The following SPAG9 variants were observed in gnomAD, a reference collection of about 807,000 sequenced individuals.
SPAG9 encodes the protein sperm associated antigen 9.
A neutral mutation model predicts 166.5 loss-of-function variants in SPAG9; 35 were observed. The observed-to-expected ratio is 0.21, with a 90% confidence interval of 0.16 to 0.28. The LOEUF is 0.28. Among genes scored for constraint, SPAG9 ranks in the 10% least tolerant of loss-of-function variants. The pLI, the probability that SPAG9 is intolerant of heterozygous loss-of-function variation, is 1.00. For synonymous variants in SPAG9, 534 were observed against 565.5 expected (o/e 0.94, Z 0.79); for missense variants, 1,235 against 1,603.3 (o/e 0.77, Z 3.92).
At chr17:51,116,293 G>A in intron 1 of SPAG9, among the ~76,000 whole-genome samples, 1 of 152,132 alleles carries the variant, frequency 6.6e-6, no homozygotes, top group East Asian at 1.9e-4. Flanking sequence ...TGATCCATCT[G>A]CCTCGGCCTC....
At chr17:51,028,372 C>T (rs140930188) in intron 6 of SPAG9, among the ~76,000 whole-genome samples, 1 of 152,322 alleles carries the variant, frequency 6.6e-6, no homozygotes, top group East Asian at 1.9e-4. Context: ...CACTCACTGA[C>T]TCACCAAGAG....
rs1027381956 is a variant in SPAG9 at position 51,031,480 on chromosome 17, G to A, written c.783+201C>T. 85 of 562,814 alleles carry A rather than the reference G, an allele frequency of 1.5e-4. No homozygotes were observed. In the East Asian group the frequency reaches 2.4e-3, roughly 16 times the overall value. 34.9% of individuals were successfully genotyped at this position (562,814 alleles called of 1,614,324 possible). On this transcript the variant is annotated intron_variant, in intron 6 of 29. Coordinates refer to ENST00000262013, the MANE Select transcript of SPAG9 (RefSeq NM_001130528.3). ...TCCTTTATTTAAAAATGCTTACTTT[G>A]GGGAAGGAATAAATTACAGATTGCA... is the stretch of plus-strand genomic sequence containing the variant.
At chr17:51,035,367 T>C (rs1024318192) in intron 5 of SPAG9, among the ~76,000 whole-genome samples, 1 of 152,234 alleles carries the variant, frequency 6.6e-6, no homozygotes, top group Admixed American at 6.5e-5. Context: ...GCAACTTTTC[T>C]GTAAGTCTAA....
chr17:51,077,033 TCTAGCTATCTAGCTATCTAG>T (rs1471414317), intron 2 of SPAG9, among the ~76,000 whole-genome samples: 28 of 94,540 alleles, frequency 3.0e-4, no homozygotes, highest in East Asian at 8.5e-4. Flanking sequence ...TAGCTATCTA[TCTAGCTATCTAGCTATCTAG>T]CTAGCTATCT....
intron 6 of SPAG9, among the ~76,000 whole-genome samples, chr17:51,026,581 A>G (rs947986349): frequency 6.6e-6 from 1 of 151,944 alleles, no homozygotes; most frequent in Non-Finnish European, 1.5e-5. Context: ...TGTGTGGGCT[A>G]TATTTCTGAC....
In SPAG9 at chr17:50,989,789, A is replaced by G. The variant is rs766672285; in HGVS notation, c.2701T>C (p.Ser901Pro). The G allele has an allele frequency of 8.7e-6, 14 of 1,613,842 alleles. No homozygotes were observed. Among genetic ancestry groups the G allele is most frequent in the Admixed American group, 5.0e-5 (3 of 59,978 alleles). The change falls in exon 21 of 30, where the codon TCA (serine) becomes CCA (proline). Residue 901 changes from serine to proline, a missense_variant. Ser to Pro is a moderately conservative substitution (Grantham distance 74). This residue lies in a region of SPAG9 where 493 missense variants were observed against 559.4 expected (regional missense o/e 0.88). Coordinates refer to ENST00000262013, the MANE Select transcript of SPAG9 (RefSeq NM_001130528.3). The stretch of plus-strand genomic sequence containing the variant: ...GAGATGTCCACTGTGTCTTCAGCTG[A>G]CCCCGCATTCCCTTCTGTAGCTTCA... ...ATEATEGNAG[S>P]AEDTVDISQT...
At chr17:51,077,956 G>A (rs1222730157) in intron 2 of SPAG9, among the ~76,000 whole-genome samples, 2 of 151,636 alleles carry the variant, frequency 1.3e-5, no homozygotes, top group Non-Finnish European at 2.9e-5. Flanking sequence ...GTCTGGCCTC[G>A]TTTTCTTAAT....
chr17:51,010,639 G>C (rs2144065541), intron 9 of SPAG9, among the ~76,000 whole-genome samples: 1 of 150,322 alleles, frequency 6.7e-6, no homozygotes, highest in East Asian at 1.9e-4. Flanking sequence ...TTAGGAGAGG[G>C]AACAAACAAG....
intron 6 of SPAG9, 39 bp downstream of exon 6, chr17:51,031,642 G>A: frequency 2.1e-6 from 3 of 1,459,848 alleles, no homozygotes; most frequent in Non-Finnish European, 2.8e-6. Context: ...AATCACTTTA[G>A]TATACTTTTT....
intron 2 of SPAG9, among the ~76,000 whole-genome samples, chr17:51,071,384 T>A (rs974167447): frequency 6.6e-6 from 1 of 152,174 alleles, no homozygotes; most frequent in African/African-American, 2.4e-5. Context: ...ATTCACAACT[T>A]CCTTATTCCA....
chr17:51,025,365 G>T (rs2144231332), intron 6 of SPAG9, among the ~76,000 whole-genome samples: 1 of 145,350 alleles, frequency 6.9e-6, no homozygotes, highest in South Asian at 2.2e-4. Context: ...TCTTGAATTG[G>T]TAACTGGCAC....
At chr17:51,020,124 G>T in intron 8 of SPAG9, 35 bp downstream of exon 8, 2 of 1,287,280 alleles carry the variant, frequency 1.6e-6, no homozygotes, top group Non-Finnish European at 2.3e-6. Context: ...GGGGTGGGGG[G>T]CGCAGAATAT....
intron 3 of SPAG9, among the ~76,000 whole-genome samples, chr17:51,055,880 A>G (rs956478918): frequency 1.3e-5 from 2 of 152,188 alleles, no homozygotes; most frequent in Admixed American, 1.3e-4. Flanking sequence ...CTTTGAGGAG[A>G]CTGTGCTGAA....
At chr17:51,057,446 A>G (rs1452867858) in intron 2 of SPAG9, among the ~76,000 whole-genome samples, 1 of 152,188 alleles carries the variant, frequency 6.6e-6, no homozygotes, top group Non-Finnish European at 1.5e-5. Flanking sequence ...GCTGTGTGTA[A>G]TCTACAACTG....
In SPAG9 at chr17:50,996,668, C is replaced by T. The variant is rs1257661945; in HGVS notation, c.1865G>A (p.Arg622Lys). The change falls in exon 16 of 30, where the codon AGA becomes AAA. Residue 622 changes from arginine to lysine, a missense_variant. Arg to Lys is a conservative substitution (Grantham distance 26, BLOSUM62 2). Around this residue, in one of 6 missense-constraint regions of SPAG9, gnomAD observed 493 missense variants for 559.4 expected, o/e 0.88. Coordinates refer to ENST00000262013, the MANE Select transcript of SPAG9 (RefSeq NM_001130528.3). ...EETEASLASR[R>K]EQKREQYRQV... ...ACGATACTGCTCTCTCTTTTGTTCTCTGCGTGAGGCTAAACTAGCTTCAGT... is the reference window on the plus strand; with the variant it reads ...ACGATACTGCTCTCTCTTTTGTTCTTTGCGTGAGGCTAAACTAGCTTCAGT... The T allele has an allele frequency of 6.2e-7, 1 of 1,614,036 alleles. No homozygotes were observed. Among genetic ancestry groups the T allele is most frequent in the African/African-American group, 1.3e-5 (1 of 74,936 alleles).
At chr17:51,084,295 A>C (rs1312306790) in intron 1 of SPAG9, 2 of 152,224 alleles carry the variant, frequency 1.3e-5, no homozygotes, top group Non-Finnish European at 2.9e-5. Context: ...GCAAAGACTA[A>C]GAATTAATAG....
intron 20 of SPAG9, 42 bp downstream of exon 20, chr17:50,990,408 C>G: frequency 7.0e-7 from 1 of 1,423,658 alleles, no homozygotes; most frequent in South Asian, 1.2e-5. Context: ...TGAGTGTAGC[C>G]TTAGACTCTA....
chr17:51,079,630 A>C lies in SPAG9; in HGVS notation c.378T>G (p.Ser126=). The part of the protein sequence containing the change: ...DLQTRVESLE[S]QTRQLELKAK... Reference sequence around the variant, plus strand: ...CTTTCAGCTCAAGTTGTCTTGTTTGAGATTCTAAAGATTCCACTCGGGTCT... The same window carrying C: ...CTTTCAGCTCAAGTTGTCTTGTTTGCGATTCTAAAGATTCCACTCGGGTCT... Residue 126 remains serine (S), a synonymous_variant, in exon 2 of 30, where the codon TCT becomes TCG. Transcript: ENST00000262013. 1.2e-6 allele frequency: 2 copies of C among 1,613,364 alleles called. No individual in the cohort carries two copies. Among genetic ancestry groups the C allele is most frequent in the South Asian group, 1.1e-5 (1 of 91,040 alleles).
intron 20 of SPAG9, 70 bp downstream of exon 20, chr17:50,990,380 A>C (rs1975439456): frequency 4.4e-6 from 5 of 1,130,078 alleles, no homozygotes; most frequent in Non-Finnish European, 6.7e-6. Context: ...ATCTAAATTA[A>C]GTCCATAATG....
Sources: gnomAD v4.1 joint callset for allele counts (sites outside exome capture counted in the v4.1 genomes callset) on GRCh38, gnomAD v4.1.1 for gene constraint, gnomAD v4.1.1 regional missense constraint, MANE v1.5 for transcripts, NCBI Gene and HGNC (gene_info 2026-07-23, HGNC 2026-07-21) for gene names.